The following IKBKB variants were observed in gnomAD, a reference collection of about 807,000 sequenced individuals.
The protein encoded by IKBKB is inhibitor of nuclear factor kappa-B kinase subunit beta.
IKBKB carries 42 observed loss-of-function variants against 113.6 expected under a neutral mutation model. The observed-to-expected ratio is 0.37, with a 90% CI of 0.29 to 0.48. The LOEUF is 0.48. Among genes scored for constraint, IKBKB ranks in the 20% least tolerant of loss-of-function variants. The pLI, the probability that IKBKB is intolerant of heterozygous loss-of-function variation, is 0.99. For missense variants in IKBKB, 673 were observed against 939.7 expected (o/e 0.72, Z 3.71); for synonymous variants, 296 against 361.3 (o/e 0.82, Z 2.05).
chr8:42,302,949 A>C (rs10109176), intron 5 of IKBKB, among the ~76,000 whole-genome samples: 65 of 151,838 alleles, frequency 4.3e-4, no homozygotes, highest in African/African-American at 1.4e-3. Flanking sequence ...TTGCTTACTC[A>C]GTTTCTGTGG....
intron 5 of IKBKB, 30 bp downstream of exon 5, chr8:42,293,542 G>T: frequency 6.2e-7 from 1 of 1,614,110 alleles, no homozygotes; most frequent in Non-Finnish European, 8.5e-7. Flanking sequence ...TTCAGGCCGT[G>T]TCCTTCAGGG....
intron 20 of IKBKB, chr8:42,326,330 T>G: frequency 1.9e-6 from 1 of 529,874 alleles, no homozygotes; most frequent in South Asian, 2.1e-5. Flanking sequence ...AACTGCTTAA[T>G]GAGAACATTG....
At chr8:42,276,478 C>T (rs919079079) in intron 2 of IKBKB, among the ~76,000 whole-genome samples, 1 of 152,124 alleles carries the variant, frequency 6.6e-6, no homozygotes, top group African/African-American at 2.4e-5. Context: ...CTTGCATATT[C>T]TTGATATTAA....
chr8:42,323,775 C>G (rs1478425117), intron 19 of IKBKB, among the ~76,000 whole-genome samples: 1 of 152,100 alleles, frequency 6.6e-6, no homozygotes, highest in African/African-American at 2.4e-5. Context: ...AACAGGATGA[C>G]GAGGTAGAGA....
chr8:42,287,531 C>T (rs931196174), intron 2 of IKBKB, among the ~76,000 whole-genome samples: 1 of 152,204 alleles, frequency 6.6e-6, no homozygotes, highest in Non-Finnish European at 1.5e-5. Context: ...TGGGTGGGGC[C>T]GTCTGGCTGT....
intron 2 of IKBKB, among the ~76,000 whole-genome samples, chr8:42,272,617 A>G (rs1027807025): frequency 2.6e-5 from 4 of 152,140 alleles, no homozygotes; most frequent in African/African-American, 9.7e-5. Context: ...CAACATAGCA[A>G]GACCTCGTCT....
At position 42,272,468 on chromosome 8, in the gene IKBKB, G is replaced by A. The variant is rs1807987250; in HGVS notation, c.105+263G>A. On this transcript the variant is annotated intron_variant, in intron 2 of 21. Transcript: ENST00000520810. ...TCTCTATTATATATATATGGTAACA[G>A]TAGAATATCATGTACTAATATATAC... 3 of 583,490 alleles carry A rather than the reference G, an allele frequency of 5.1e-6. No individual in the cohort carries two copies. In the East Asian group the frequency reaches 8.4e-5, roughly 16 times the overall value. 36.1% of individuals were successfully genotyped at this position (583,490 alleles called of 1,614,324 possible). A position where few individuals can be genotyped will look rare whatever the true frequency, so the allele number is the denominator to read the frequency against.
intron 5 of IKBKB, among the ~76,000 whole-genome samples, chr8:42,295,974 C>T (rs1246728595): frequency 1.3e-5 from 2 of 152,124 alleles, no homozygotes. Flanking sequence ...GGTGCTTCTT[C>T]TTAAGTGCTT....
chr8:42,305,200 A>G lies in IKBKB; in HGVS notation c.402A>G (p.Arg134=), dbSNP rs1255803017. 4 of 1,613,726 alleles carry G rather than the reference A, an allele frequency of 2.5e-6. No individual in the cohort carries two copies. Among genetic ancestry groups the G allele is most frequent in the Non-Finnish European group, 3.4e-6 (4 of 1,179,722 alleles). Residue 134 remains arginine (R), a synonymous_variant, in exon 6 of 22, where the codon AGA becomes AGG. Coordinates refer to ENST00000520810, the MANE Select transcript of IKBKB (RefSeq NM_001556.3). The part of the protein sequence containing the change: ...TLLSDIASAL[R]YLHENRIIHR... The stretch of plus-strand genomic sequence containing the variant: ...CCTCTTCCTCAGCCTCTGCGCTTAG[A>G]TACCTTCATGAAAACAGAATCATCC...
chr8:42,326,310 T>G (rs1429058239), intron 20 of IKBKB: 5 of 576,076 alleles, frequency 8.7e-6, no homozygotes, highest in Middle Eastern at 4.7e-4. Flanking sequence ...TGTCCAAGGC[T>G]TGGATGACTA....
chr8:42,284,575 C>A (rs1438948890), intron 2 of IKBKB, among the ~76,000 whole-genome samples: 1 of 150,160 alleles, frequency 6.7e-6, no homozygotes, highest in Non-Finnish European at 1.5e-5. Flanking sequence ...AAGCGAGACT[C>A]CGTCTCAAAA....
Position 42,290,292 on chromosome 8 carries a change from C to G in IKBKB, c.318+19C>G. On this transcript the variant is annotated intron_variant, in intron 4 of 21. Coordinates refer to ENST00000520810, the MANE Select transcript of IKBKB (RefSeq NM_001556.3). ...CCGGAAGGTGAGGCTCCCACGGCTG[C>G]CAGGTGCACAGCCTGTCTGGGCAGG... is the stretch of plus-strand genomic sequence containing the variant. 6.5e-7 allele frequency: 1 copy of G among 1,537,400 alleles called. No homozygotes were observed. The highest frequency in any genetic ancestry group is 9.0e-7 in the Non-Finnish European group (1 of 1,111,188).
Position 42,331,562 on chromosome 8 carries a change from A to G in IKBKB, c.*583A>G. Reference sequence around the variant, plus strand: ...ATAGTTGCGGCCTGGCCCCATCCTCACTTCCTCTTTTTATTTCACTGCTGC... The same window carrying G: ...ATAGTTGCGGCCTGGCCCCATCCTCGCTTCCTCTTTTTATTTCACTGCTGC... On this transcript the variant is annotated 3_prime_UTR_variant, in exon 22 of 22. Coordinates refer to ENST00000520810, the MANE Select transcript of IKBKB (RefSeq NM_001556.3). The G allele has an allele frequency of 1.7e-6, 1 of 600,382 alleles. No individual in the cohort carries two copies. 37.2% of individuals were successfully genotyped at this position (600,382 alleles called of 1,614,324 possible).
chr8:42,317,208 C>CT (rs1491390598), intron 11 of IKBKB: 3 of 154,504 alleles, frequency 1.9e-5, no homozygotes, highest in African/African-American at 8.0e-5. Context: ...TCCAAGTGTA[C>CT]TAAAAAAAAA....
chr8:42,299,106 A>G (rs1420494260), intron 5 of IKBKB, among the ~76,000 whole-genome samples: 1 of 152,128 alleles, frequency 6.6e-6, no homozygotes, highest in Non-Finnish European at 1.5e-5. Flanking sequence ...CAATTCCAGT[A>G]GAAGCTCTGG....
intron 5 of IKBKB, among the ~76,000 whole-genome samples, chr8:42,304,845 C>T (rs1816186264): frequency 6.6e-6 from 1 of 152,202 alleles, no homozygotes; most frequent in Admixed American, 6.5e-5. Context: ...GGGTCATCCC[C>T]AGAGACTTGA....
intron 5 of IKBKB, among the ~76,000 whole-genome samples, chr8:42,304,539 A>T (rs17875698): frequency 3.1e-3 from 471 of 152,234 alleles, no homozygotes; most frequent in African/African-American, 0.011. Flanking sequence ...CCCTTATTTT[A>T]TGTCCCTCAC....
At chr8:42,295,772 C>T (rs914392513) in intron 5 of IKBKB, among the ~76,000 whole-genome samples, 2 of 151,882 alleles carry the variant, frequency 1.3e-5, no homozygotes, top group Admixed American at 6.6e-5. Flanking sequence ...TCTCAGCTTC[C>T]TCATATGGTT....
intron 8 of IKBKB, chr8:42,313,990 A>G (rs1355045871): frequency 4.2e-6 from 1 of 237,282 alleles, no homozygotes; most frequent in Non-Finnish European, 8.4e-6. Context: ...TTGACATCCC[A>G]GTCAACAATT....
Sources: allele counts gnomAD v4.1 joint callset (sites outside exome capture counted in the v4.1 genomes callset), GRCh38; gene constraint gnomAD v4.1.1; transcripts MANE v1.5; gene names NCBI Gene and HGNC (gene_info 2026-07-23, HGNC 2026-07-21).